The following EFR3B variants were observed in gnomAD, a reference collection of about 807,000 sequenced individuals.
EFR3B encodes protein EFR3 homolog B.
Under a neutral mutation model 104.7 loss-of-function variants are expected in EFR3B, and 64 were observed. The ratio of observed to expected loss-of-function variants is 0.61; its 90% CI spans 0.50 to 0.75. The LOEUF (loss-of-function observed/expected upper bound fraction) is 0.75, where lower values mean the gene tolerates loss of function less well. EFR3B is among the 30% of genes least tolerant of loss of function. EFR3B has a pLI of 0.00. For synonymous variants in EFR3B, 385 were observed against 417.9 expected (o/e 0.92, Z 0.96); for missense variants, 750 against 1,078.5 (o/e 0.70, Z 4.27).
intron 1 of EFR3B, among the ~76,000 whole-genome samples, chr2:25,066,474 G>A (rs1668340836): frequency 6.6e-6 from 1 of 152,096 alleles, no homozygotes; most frequent in Non-Finnish European, 1.5e-5. Context: ...ACATTCCCTT[G>A]TGCTTGGCAC....
At chr2:25,104,129 C>G (rs1253294399) in intron 4 of EFR3B, among the ~76,000 whole-genome samples, 1 of 152,030 alleles carries the variant, frequency 6.6e-6, no homozygotes, top group Middle Eastern at 3.2e-3. Flanking sequence ...AGGTGGATCA[C>G]TTGAGGTAAG....
At chr2:25,124,251 G>T (rs1429888203) in intron 5 of EFR3B, among the ~76,000 whole-genome samples, 1 of 149,742 alleles carries the variant, frequency 6.7e-6, no homozygotes, top group Non-Finnish European at 1.5e-5. Flanking sequence ...AACACCCTTG[G>T]GTCCAGCAGT....
chr2:25,091,807 C>A (rs1194203507), intron 2 of EFR3B, among the ~76,000 whole-genome samples: 2 of 152,164 alleles, frequency 1.3e-5, no homozygotes, highest in Admixed American at 6.5e-5. Context: ...CCAGGTCTTT[C>A]CCCCTGGCTG....
At chr2:25,142,615 C>A (rs1670699905) in intron 17 of EFR3B, among the ~76,000 whole-genome samples, 1 of 150,890 alleles carries the variant, frequency 6.6e-6, no homozygotes, top group Non-Finnish European at 1.5e-5. Flanking sequence ...AAAAATTAGC[C>A]AGGTGTGGTG....
chr2:25,047,687 TG>T (rs933891036), intron 1 of EFR3B, among the ~76,000 whole-genome samples: 35 of 151,972 alleles, frequency 2.3e-4, no homozygotes, highest in Admixed American at 4.6e-4. Context: ...TTAGTAGAGA[TG>T]GGGTTTCACC....
At chr2:25,056,001 A>C (rs1260834463) in intron 1 of EFR3B, among the ~76,000 whole-genome samples, 1 of 152,194 alleles carries the variant, frequency 6.6e-6, no homozygotes, top group African/African-American at 2.4e-5. Flanking sequence ...TAAGAGTCCA[A>C]ATGTTTGCAT....
chr2:25,128,112 TCTTA>T lies in EFR3B; in HGVS notation c.486-70_486-67del, dbSNP rs1670216555. The T allele has an allele frequency of 3.1e-5, 47 of 1,525,806 alleles. No homozygotes were observed. In the East Asian group the frequency reaches 1.1e-3, roughly 37 times the overall value. The allele number at this position is 1,525,806 out of a possible 1,614,324, so 94.5% of individuals were successfully genotyped here. On this transcript the variant is annotated intron_variant, in intron 5 of 22. Coordinates refer to ENST00000403714, the MANE Select transcript of EFR3B (RefSeq NM_014971.2). ...CCCTGACTCCTAAGCTGTGCTCTTC[TCTTA>T]GCCACCGAAGCTGGACTTCTCAGGG... is the stretch of plus-strand genomic sequence containing the variant.
chr2:25,047,111 A>G (rs1667744327), intron 1 of EFR3B, among the ~76,000 whole-genome samples: 1 of 152,228 alleles, frequency 6.6e-6, no homozygotes. Context: ...ACATAAATAA[A>G]AATAAAAAGG....
At chr2:25,056,892 A>G (rs959650794) in intron 1 of EFR3B, among the ~76,000 whole-genome samples, 1 of 152,198 alleles carries the variant, frequency 6.6e-6, no homozygotes, top group African/African-American at 2.4e-5. Flanking sequence ...GACAAGGGGA[A>G]GAGTTGGCCA....
At chr2:25,104,994 T>C (rs1669524938) in intron 4 of EFR3B, among the ~76,000 whole-genome samples, 1 of 152,212 alleles carries the variant, frequency 6.6e-6, no homozygotes, top group African/African-American at 2.4e-5. Flanking sequence ...TTGCTGTCTC[T>C]CCCATTCCTT....
At chr2:25,109,169 CAACA>C (rs1278981817) in intron 4 of EFR3B, among the ~76,000 whole-genome samples, 3 of 127,312 alleles carry the variant, frequency 2.4e-5, no homozygotes, top group Non-Finnish European at 4.8e-5. Flanking sequence ...TAAGACTTAA[CAACA>C]AAAAAAAAAA....
intron 2 of EFR3B, among the ~76,000 whole-genome samples, chr2:25,092,454 T>C (rs908108366): frequency 2.0e-5 from 3 of 151,598 alleles, no homozygotes; most frequent in Admixed American, 6.6e-5. Context: ...GGTATATATA[T>C]ACACACCCAT....
At chr2:25,071,024 G>A (rs575656286) in intron 1 of EFR3B, among the ~76,000 whole-genome samples, 59 of 152,226 alleles carry the variant, frequency 3.9e-4, no homozygotes, top group African/African-American at 1.2e-3. Context: ...GCACTGGTGC[G>A]ATCTGGGCTC....
intron 17 of EFR3B, among the ~76,000 whole-genome samples, chr2:25,142,316 A>G (rs2149210734): frequency 6.6e-6 from 1 of 151,714 alleles, no homozygotes; most frequent in Admixed American, 6.6e-5. Flanking sequence ...GGTGGCGCAC[A>G]CCTGTAGTCC....
chr2:25,127,705 C>T (rs1459972299), intron 5 of EFR3B, among the ~76,000 whole-genome samples: 1 of 152,188 alleles, frequency 6.6e-6, no homozygotes, highest in Non-Finnish European at 1.5e-5. Context: ...TCAGTTTCCC[C>T]TCTGGTTAAC....
At chr2:25,086,569 G>A (rs757840260) in intron 1 of EFR3B, among the ~76,000 whole-genome samples, 2 of 152,232 alleles carry the variant, frequency 1.3e-5, no homozygotes, top group Non-Finnish European at 1.5e-5. Context: ...CCTTTGCTGC[G>A]ATGTCTATTA....
At chr2:25,115,576 T>C (rs1432234726) in intron 4 of EFR3B, among the ~76,000 whole-genome samples, 1 of 152,216 alleles carries the variant, frequency 6.6e-6, no homozygotes, top group East Asian at 1.9e-4. Flanking sequence ...CCCTGGAACC[T>C]CTGCACGTTA....
chr2:25,103,295 T>C (rs1458585169), intron 3 of EFR3B, among the ~76,000 whole-genome samples: 1 of 152,246 alleles, frequency 6.6e-6, no homozygotes. Context: ...CCCGACCTCA[T>C]AGAGTTTAGA....
chr2:25,125,921 G>A (rs114994757), intron 5 of EFR3B, among the ~76,000 whole-genome samples: 13 of 152,264 alleles, frequency 8.5e-5, no homozygotes, highest in African/African-American at 3.1e-4. Context: ...GTGACAGAGC[G>A]AGACTCCGTC....
Sources: gnomAD v4.1 joint callset for allele counts (sites outside exome capture counted in the v4.1 genomes callset) on GRCh38, gnomAD v4.1.1 for gene constraint, MANE v1.5 for transcripts, NCBI Gene and HGNC (gene_info 2026-07-23, HGNC 2026-07-21) for gene names.